The following DDAH1 variants were observed in gnomAD, a reference collection of about 807,000 sequenced individuals.
The protein encoded by DDAH1 is dimethylarginine dimethylaminohydrolase 1.
In DDAH1, 19 loss-of-function variants were observed where a neutral mutation model predicts 28.8. The observed-to-expected ratio is 0.66, with a 90% CI of 0.46 to 0.97. The LOEUF (loss-of-function observed/expected upper bound fraction) is 0.97. Among genes scored for constraint, DDAH1 ranks in the 50% least tolerant of loss-of-function variants. DDAH1 has a pLI of 0.00. For missense variants in DDAH1, 326 were observed against 375.9 expected, an observed-to-expected ratio of 0.87 and a Z score of 1.10; for synonymous variants, 153 against 154.4, an observed-to-expected ratio of 0.99 and a Z score of 0.07.
intron 4 of DDAH1, among the ~76,000 whole-genome samples, chr1:85,349,857 C>G (rs1408227732): frequency 6.6e-6 from 1 of 152,150 alleles, no homozygotes; most frequent in Admixed American, 6.6e-5. Flanking sequence ...GCCGTGTGAC[C>G]TGGGCAAGTC....
intron 1 of DDAH1, among the ~76,000 whole-genome samples, chr1:85,518,984 C>CA (rs1269681544): frequency 2.0e-5 from 3 of 150,408 alleles, no homozygotes; most frequent in Admixed American, 2.0e-4. Context: ...GTGTTACTGA[C>CA]ATAGAAGGAT....
At chr1:85,481,681 C>T (rs757167668) in intron 2 of DDAH1, among the ~76,000 whole-genome samples, 10 of 152,150 alleles carry the variant, frequency 6.6e-5, no homozygotes, top group Non-Finnish European at 1.5e-4. Context: ...TTCCTAGAGG[C>T]AGTTACATGG....
intron 2 of DDAH1, chr1:85,482,580 G>T (rs1226008259): frequency 6.6e-6 from 1 of 152,206 alleles, no homozygotes; most frequent in African/African-American, 2.4e-5. Context: ...ATGCTGGCTA[G>T]AAACTTCCAT....
intron 1 of DDAH1, among the ~76,000 whole-genome samples, chr1:85,403,359 A>C (rs1357636): frequency 0.86 from 130,130 of 151,916 alleles, 55,910 homozygotes; most frequent in Middle Eastern, 0.9. Context: ...TGAAAAGAAT[A>C]ATTCAAAACG....
chr1:85,540,035 T>C (rs1658424382), intron 1 of DDAH1, among the ~76,000 whole-genome samples: 1 of 152,140 alleles, frequency 6.6e-6, no homozygotes, highest in African/African-American at 2.4e-5. Flanking sequence ...CTATCAATTA[T>C]GAATATTCCA....
intron 4 of DDAH1, among the ~76,000 whole-genome samples, chr1:85,328,216 G>C (rs370482169): frequency 2.0e-5 from 3 of 152,196 alleles, no homozygotes; most frequent in African/African-American, 7.2e-5. Flanking sequence ...AGACAACAGG[G>C]GGTTGGATCT....
chr1:85,507,329 C>A (rs1170336518), intron 1 of DDAH1, among the ~76,000 whole-genome samples: 1 of 152,016 alleles, frequency 6.6e-6, no homozygotes, highest in Non-Finnish European at 1.5e-5. Context: ...ATGGTGAAAC[C>A]CTGTCTCTAC....
At chr1:85,446,375 G>C (rs1557640926) in intron 1 of DDAH1, among the ~76,000 whole-genome samples, 1 of 152,022 alleles carries the variant, frequency 6.6e-6, no homozygotes, top group African/African-American at 2.4e-5. Flanking sequence ...GAACAGCATG[G>C]GGAAAACCAC....
intron 1 of DDAH1, among the ~76,000 whole-genome samples, chr1:85,451,103 T>C (rs1654653681): frequency 6.6e-6 from 1 of 152,058 alleles, no homozygotes; most frequent in Non-Finnish European, 1.5e-5. Context: ...CAAGTGCATA[T>C]CTCTAATGGT....
chr1:85,532,754 C>A (rs1570649593), intron 1 of DDAH1, among the ~76,000 whole-genome samples: 1 of 152,242 alleles, frequency 6.6e-6, no homozygotes, highest in East Asian at 1.9e-4. Context: ...CAGAGCAAAG[C>A]CAAAATGAGC....
At chr1:85,491,599 T>C (rs986196469) in intron 2 of DDAH1, among the ~76,000 whole-genome samples, 22 of 152,190 alleles carry the variant, frequency 1.4e-4, no homozygotes, top group African/African-American at 4.6e-4. Context: ...CAGACATCCA[T>C]AGGACCAGCT....
In DDAH1 at chr1:85,464,788, C is replaced by G. The variant is rs1253270635; in HGVS notation, c.258G>C (p.Glu86Asp). The change falls in exon 1 of 6, where the codon GAG becomes GAC. Residue 86 changes from glutamate to aspartate, a missense_variant. By Grantham distance (45) the Glu-to-Asp change is conservative. Coordinates refer to ENST00000284031, the MANE Select transcript of DDAH1 (RefSeq NM_012137.4). This position sits in a 1 kb window ranked among gnomAD's most constrained non-coding sequence, Gnocchi z 4.4. ...FVEDVAVVCEETALITRPGAP... is the reference protein window; with the variant it reads ...FVEDVAVVCEDTALITRPGAP... ...CCCCGGGTCGGGTGATGAGGGCCGT[C>G]TCCTCGCACACCACGGCCACGTCCT... 6.3e-7 allele frequency: 1 copy of G among 1,580,528 alleles called. No individual in the cohort carries two copies. Among genetic ancestry groups the G allele is most frequent in the Non-Finnish European group, 8.5e-7 (1 of 1,170,300 alleles).
At chr1:85,438,748 G>C (rs1340958054) in intron 1 of DDAH1, among the ~76,000 whole-genome samples, 1 of 152,184 alleles carries the variant, frequency 6.6e-6, no homozygotes, top group African/African-American at 2.4e-5. Context: ...CCAGAACAGG[G>C]ATCAAGATGA....
At chr1:85,395,250 A>G (rs970014763) in intron 1 of DDAH1, among the ~76,000 whole-genome samples, 1 of 151,904 alleles carries the variant, frequency 6.6e-6, no homozygotes, top group African/African-American at 2.4e-5. Flanking sequence ...AAGTCTGAGA[A>G]TATATTTTTG....
At chr1:85,403,974 T>C (rs1652278397) in intron 1 of DDAH1, among the ~76,000 whole-genome samples, 1 of 152,220 alleles carries the variant, frequency 6.6e-6, no homozygotes, top group Non-Finnish European at 1.5e-5. Flanking sequence ...AACAATGTAA[T>C]TGCTGACAAT....
chr1:85,570,709 C>T (rs17127916), intron 1 of DDAH1, among the ~76,000 whole-genome samples: 4,363 of 152,158 alleles, frequency 0.029, 200 homozygotes, highest in African/African-American at 0.095. Flanking sequence ...CTGATCAAAC[C>T]GATGGTGACA....
chr1:85,358,564 G>A lies in DDAH1; in HGVS notation c.403+184C>T, dbSNP rs569574104. On this transcript the variant is annotated intron_variant, in intron 2 of 5. Coordinates refer to ENST00000284031, the MANE Select transcript of DDAH1 (RefSeq NM_012137.4). ...CTCAGGAGGCTGAGGCAGGAGAATC[G>A]CTTGAACCCAGGAGGCGGAGGTTGC... Among the ~76,000 whole-genome samples, 11 of 152,250 alleles carry A rather than the reference G, an allele frequency of 7.2e-5. No individual in the cohort carries two copies. The South Asian group carries it at 2.1e-3, about 29-fold the overall frequency.
chr1:85,381,611 G>A (rs899325973), intron 1 of DDAH1, among the ~76,000 whole-genome samples: 3 of 151,726 alleles, frequency 2.0e-5, no homozygotes, highest in Non-Finnish European at 4.4e-5. Context: ...TATATACAAT[G>A]AGTATTTTTC....
chr1:85,510,182 G>A (rs182645209), intron 1 of DDAH1, among the ~76,000 whole-genome samples: 181 of 152,266 alleles, frequency 1.2e-3, no homozygotes, highest in Admixed American at 2.5e-3. Context: ...AGAAGAAAGT[G>A]GGGGCCAATA....
Sources: allele counts gnomAD v4.1 joint callset (sites outside exome capture counted in the v4.1 genomes callset), GRCh38; gene constraint gnomAD v4.1.1; non-coding constraint Gnocchi (gnomAD v3.1); transcripts MANE v1.5; gene names NCBI Gene and HGNC (gene_info 2026-07-23, HGNC 2026-07-21).